TNR: variants seen among roughly 807,000 people sequenced by gnomAD.
TNR encodes the protein tenascin R, also known as tenascin-R.
TNR carries 45 observed loss-of-function variants against 150.4 expected under a neutral mutation model. That is an observed-to-expected ratio of 0.30 (90% CI 0.24 to 0.38). The LOEUF (loss-of-function observed/expected upper bound fraction) is 0.38, where lower values mean the gene tolerates loss of function less well. Ranked by LOEUF, TNR falls within the 10% of genes least tolerant of loss-of-function variation. TNR has a pLI of 1.00. For synonymous variants in TNR, 687 were observed against 678.4 expected (o/e 1.01, Z -0.20); for missense variants, 1,544 against 1,759.1 (o/e 0.88, Z 2.19).
chr1:175,724,757 T>A (rs1667432769), intron 1 of TNR, among the ~76,000 whole-genome samples: 1 of 152,198 alleles, frequency 6.6e-6, no homozygotes, highest in Non-Finnish European at 1.5e-5. Flanking sequence ...CATGTAACCA[T>A]GGCACCTGGC....
chr1:175,653,303 C>T (rs533721156), intron 1 of TNR, among the ~76,000 whole-genome samples: 5 of 152,336 alleles, frequency 3.3e-5, no homozygotes, highest in African/African-American at 9.6e-5. Flanking sequence ...CATAGCATGA[C>T]ACCGCATGCA....
chr1:175,614,015 G>A (rs1221455507), intron 1 of TNR, among the ~76,000 whole-genome samples: 1 of 152,116 alleles, frequency 6.6e-6, no homozygotes, highest in Non-Finnish European at 1.5e-5. Flanking sequence ...ACTTTTCTAA[G>A]CCTCCGTTTC....
intron 1 of TNR, among the ~76,000 whole-genome samples, chr1:175,639,805 T>C (rs954289802): frequency 3.3e-5 from 5 of 152,220 alleles, no homozygotes; most frequent in Non-Finnish European, 5.9e-5. Flanking sequence ...TCCTTCAGCG[T>C]GGAATGCTCT....
chr1:175,726,239 T>C (rs1667474417), intron 1 of TNR, among the ~76,000 whole-genome samples: 2 of 152,192 alleles, frequency 1.3e-5, no homozygotes, highest in South Asian at 2.1e-4. Flanking sequence ...CAACTAATCA[T>C]CTGTTACTCA....
Position 175,390,911 on chromosome 1 carries a change from G to A in TNR, c.1507+377C>T, listed in dbSNP as rs112447880. On this transcript the variant is annotated intron_variant, in intron 7 of 22. Coordinates refer to ENST00000367674, the MANE Select transcript of TNR (RefSeq NM_003285.3). ...TGTAAAATAAATTGAAGTTTGGGAA[G>A]GTTCAGATGACTTTCTCCAAATATC... is the stretch of plus-strand genomic sequence containing the variant. Among the ~76,000 whole-genome samples the A allele has an allele frequency of 3.2e-3, 480 of 152,320 alleles. 7 individuals carry two copies. The highest frequency in any genetic ancestry group is 0.011 in the African/African-American group (463 of 41,550).
Position 175,356,430 on chromosome 1 carries a change from T to A in TNR, c.3007A>T (p.Ser1003Cys). 2 of 1,614,038 alleles carry A rather than the reference T, an allele frequency of 1.2e-6. No homozygotes were observed. The highest frequency in any genetic ancestry group is 1.7e-6 in the Non-Finnish European group (2 of 1,179,932). ...AGGTCAACAAGCCGAAATTCCTCAC[T>A]GACTCCGTCAACAAGGATGGTCTCT... ...AGETILVDGV[S>C]EEFRLVDLLP... Residue 1003 changes from serine to cysteine, a missense_variant, in exon 16 of 23, where the codon AGT (serine) becomes TGT (cysteine). Coordinates refer to ENST00000367674, the MANE Select transcript of TNR (RefSeq NM_003285.3).
At chr1:175,446,042 T>C (rs1293505648) in intron 2 of TNR, among the ~76,000 whole-genome samples, 4 of 152,268 alleles carry the variant, frequency 2.6e-5, no homozygotes, top group Admixed American at 2.0e-4. Context: ...TCCCAAACTA[T>C]CTAGGTCTAA....
intron 1 of TNR, among the ~76,000 whole-genome samples, chr1:175,616,077 T>C (rs1236892332): frequency 6.6e-6 from 1 of 152,218 alleles, no homozygotes; most frequent in African/African-American, 2.4e-5. Flanking sequence ...TCTTTCTGCG[T>C]GGGACAAACC....
intron 2 of TNR, among the ~76,000 whole-genome samples, chr1:175,493,166 G>C (rs1286764602): frequency 1.3e-5 from 2 of 152,096 alleles, no homozygotes; most frequent in African/African-American, 4.8e-5. Context: ...AAGATGCTCA[G>C]GGTTGCACGG....
intron 18 of TNR, 47 bp downstream of exon 18, chr1:175,354,344 C>T: frequency 6.2e-7 from 1 of 1,603,622 alleles, no homozygotes; most frequent in Non-Finnish European, 8.5e-7. Context: ...ATGAGCCAAA[C>T]ATCAGGAAGT....
intron 1 of TNR, among the ~76,000 whole-genome samples, chr1:175,683,497 C>A (rs1666102267): frequency 6.6e-6 from 1 of 152,166 alleles, no homozygotes; most frequent in South Asian, 2.1e-4. Context: ...CTAAACTGAC[C>A]AAGGGTGAGT....
At chr1:175,397,180 ACT>A (rs1306151343) in intron 4 of TNR, among the ~76,000 whole-genome samples, 3 of 152,218 alleles carry the variant, frequency 2.0e-5, no homozygotes, top group African/African-American at 7.2e-5. Context: ...AAAATTTATC[ACT>A]CTCAAATTAT....
intron 1 of TNR, among the ~76,000 whole-genome samples, chr1:175,683,651 G>A (rs930535784): frequency 6.6e-6 from 1 of 152,166 alleles, no homozygotes; most frequent in African/African-American, 2.4e-5. Context: ...CTGTCAGGCT[G>A]TCTCCCACCT....
intron 2 of TNR, among the ~76,000 whole-genome samples, chr1:175,453,514 A>C (rs1656420560): frequency 6.6e-6 from 1 of 152,056 alleles, no homozygotes; most frequent in Non-Finnish European, 1.5e-5. Flanking sequence ...TAGGTTTCTA[A>C]CTTGCAGTTT....
intron 1 of TNR, among the ~76,000 whole-genome samples, chr1:175,561,619 G>A (rs943316421): frequency 1.3e-5 from 2 of 152,156 alleles, no homozygotes; most frequent in Admixed American, 6.5e-5. Flanking sequence ...GCTTAAGCCT[G>A]AATTAAGACC....
At chr1:175,448,933 G>A (rs1328338928) in intron 2 of TNR, among the ~76,000 whole-genome samples, 2 of 152,172 alleles carry the variant, frequency 1.3e-5, no homozygotes, top group African/African-American at 4.8e-5. Context: ...TCTGGTCAAT[G>A]TTGTTCACTT....
chr1:175,345,187 C>A (rs1650721935), intron 18 of TNR, among the ~76,000 whole-genome samples: 1 of 152,076 alleles, frequency 6.6e-6, no homozygotes, highest in African/African-American at 2.4e-5. Flanking sequence ...GAGAGGAAGG[C>A]TTGGAAGAAA....
At chr1:175,717,486 C>T (rs971449318) in intron 1 of TNR, among the ~76,000 whole-genome samples, 7 of 152,144 alleles carry the variant, frequency 4.6e-5, no homozygotes, top group African/African-American at 1.2e-4. Flanking sequence ...AGTCTAACAG[C>T]GATTTTTGCC....
chr1:175,381,221 A>C (rs1221131478), intron 8 of TNR, among the ~76,000 whole-genome samples: 1 of 152,230 alleles, frequency 6.6e-6, no homozygotes, highest in Non-Finnish European at 1.5e-5. Context: ...CCTAAATTTC[A>C]TGCATGAGGA....
Sources: allele counts gnomAD v4.1 joint callset (sites outside exome capture counted in the v4.1 genomes callset), GRCh38; gene constraint gnomAD v4.1.1; transcripts MANE v1.5; gene names NCBI Gene and HGNC (gene_info 2026-07-23, HGNC 2026-07-21).